Variants in NUP88 observed in about 807,000 individuals in gnomAD.
The protein encoded by NUP88 is nuclear pore complex protein Nup88.
In NUP88, 57 loss-of-function variants were observed where a neutral mutation model predicts 93.9. That is an observed-to-expected ratio of 0.61 (90% CI 0.49 to 0.76). NUP88 has a LOEUF of 0.76. Ranked by LOEUF, NUP88 falls within the 30% of genes least tolerant of loss-of-function variation. The pLI is 0.00. For synonymous variants in NUP88, 346 were observed against 336.8 expected (o/e 1.03, Z -0.30); for missense variants, 911 against 901.0 (o/e 1.01, Z -0.14).
chr17:5,413,987 A>G (rs1567577494), intron 3 of NUP88, 22 bp downstream of exon 3: 7 of 1,611,294 alleles, frequency 4.3e-6, no homozygotes, highest in East Asian at 2.2e-5. Flanking sequence ...GCAAGGCTTC[A>G]AGAGAGAGAA....
chr17:5,419,364 G>A lies in NUP88; in HGVS notation c.287C>T (p.Ser96Phe). 6.3e-7 allele frequency: 1 copy of A among 1,592,566 alleles called. No homozygotes were observed. The highest frequency in any genetic ancestry group is 1.4e-5 in the African/African-American group (1 of 73,654). ...PSGGGEEPAL[S>F]QYQRLLCINP... is the part of the protein sequence containing the mutation. Reference sequence around the variant, plus strand: ...TCGGCCTGGCATTACCTGGTACTGGGACAGGGCGGGCTCTTCGCCGCCGCC... The same window carrying A: ...TCGGCCTGGCATTACCTGGTACTGGAACAGGGCGGGCTCTTCGCCGCCGCC... The change falls in exon 1 of 17, where the codon TCC becomes TTC. Residue 96 changes from serine to phenylalanine, a missense_variant. Transcript: ENST00000573584.
chr17:5,391,929 G>GATCT (rs34094111), intron 9 of NUP88, among the ~76,000 whole-genome samples: 66,195 of 151,866 alleles, frequency 0.44, 15,172 homozygotes, highest in East Asian at 0.84. Flanking sequence ...TTACACTGAA[G>GATCT]ATCTCTCCAA....
intron 1 of NUP88, among the ~76,000 whole-genome samples, chr17:5,417,836 C>T (rs978345514): frequency 6.8e-6 from 1 of 146,690 alleles, no homozygotes; most frequent in African/African-American, 2.5e-5. Context: ...GAGATCCTGC[C>T]TCAAAACAAA....
rs2144752849 is a variant in NUP88, at chr17:5,385,619, G to A, written c.*587C>T. 4.3e-6 allele frequency: 1 copy of A among 230,972 alleles called. No homozygotes were observed. Among genetic ancestry groups the A allele is most frequent in the South Asian group, 1.8e-4 (1 of 5,506 alleles). The allele number at this position is 230,972 out of a possible 1,614,324, so 14.3% of individuals were successfully genotyped here. ...CATGTCCACTCAGTAACAAGTATTG[G>A]GACGTAGAGCACAGCCTCACTCAGC... is the stretch of plus-strand genomic sequence containing the variant. On this transcript the variant is annotated 3_prime_UTR_variant, in exon 17 of 17. Transcript: ENST00000573584.
At chr17:5,388,143 G>C (rs980654169) in intron 11 of NUP88, 13 of 306,486 alleles carry the variant, frequency 4.2e-5, no homozygotes, top group Non-Finnish European at 6.1e-6. Flanking sequence ...TGGGATTACA[G>C]GTGCCCACCA....
At chr17:5,404,267 A>T in intron 6 of NUP88, 21 bp from the exon 7 acceptor site, 1 of 1,610,072 alleles carries the variant, frequency 6.2e-7, no homozygotes, top group Non-Finnish European at 8.5e-7. Flanking sequence ...AAGTGTTGTA[A>T]TTTTGATCTT....
At chr17:5,413,648 A>C (rs1913971896) in intron 3 of NUP88, among the ~76,000 whole-genome samples, 1 of 152,254 alleles carries the variant, frequency 6.6e-6, no homozygotes, top group Non-Finnish European at 1.5e-5. Flanking sequence ...AAGATCTCAA[A>C]GATAACAGAA....
intron 10 of NUP88, 29 bp from the exon 11 acceptor site, chr17:5,388,989 T>G: frequency 9.8e-6 from 15 of 1,527,702 alleles, no homozygotes; most frequent in African/African-American, 1.4e-5. Flanking sequence ...AATTGAATTC[T>G]ACCATGGAGT....
intron 14 of NUP88, 81 bp downstream of exon 14, chr17:5,387,305 T>C: frequency 7.5e-7 from 1 of 1,335,528 alleles, no homozygotes; most frequent in South Asian, 1.2e-5. Flanking sequence ...CGTAGGTATG[T>C]AAGCACCTGC....
At position 5,408,839 on chromosome 17, in the gene NUP88, T is replaced by C. The variant is rs372116929; in HGVS notation, c.751A>G (p.Lys251Glu). 10 of 1,613,930 alleles carry C rather than the reference T, an allele frequency of 6.2e-6. No individual in the cohort carries two copies. The African/African-American group carries it at 1.3e-4, about 22-fold the overall frequency. The change falls in exon 5 of 17, where the codon AAG becomes GAG. Residue 251 changes from lysine (K) to glutamate (E), a missense_variant. Transcript: ENST00000573584. ...FDFGPLAAVP[K>E]TLFGQNGKDE... ...TTGCCGTTTTGTCCAAATAGAGTCT[T>C]TGGGACTGCTGCCAATGGCCCAAAG...
intron 9 of NUP88, among the ~76,000 whole-genome samples, chr17:5,394,231 A>G (rs56019636): frequency 0.44 from 66,309 of 151,944 alleles, 15,225 homozygotes; most frequent in East Asian, 0.84. Context: ...GAAAGAATAG[A>G]GAAGACCCAA....
At chr17:5,402,171 G>A (rs1046297014) in intron 7 of NUP88, among the ~76,000 whole-genome samples, 1 of 152,144 alleles carries the variant, frequency 6.6e-6, no homozygotes, top group African/African-American at 2.4e-5. Context: ...GCCAGGCCTG[G>A]TGGCGCATGA....
Position 5,405,090 on chromosome 17 carries a change from G to A in NUP88, c.1011C>T (p.Val337=), listed in dbSNP as rs150834750. ...ATESGMLYHC[V]VLEGEEEDDH... ...CATCTTCTTCTTCCCCTTCTAGCAC[G>A]ACACAGTGATACAGCATTCCTGATT... Residue 337 remains valine, a synonymous_variant, in exon 6 of 17, where the codon GTC becomes GTT. Coordinates refer to ENST00000573584, the MANE Select transcript of NUP88 (RefSeq NM_002532.6). The A allele has an allele frequency of 1.4e-4, 228 of 1,614,074 alleles. No individual in the cohort carries two copies. The African/African-American group carries it at 2.5e-3, about 17-fold the overall frequency.
chr17:5,408,859 C>A lies in NUP88; in HGVS notation c.731G>T (p.Gly244Val), dbSNP rs757033884. ...LGETAVAFDF[G>V]PLAAVPKTLF... Reference sequence around the variant, plus strand: ...AGTCTTTGGGACTGCTGCCAATGGCCCAAAGTCAAATGCAACTGCTGTCTC... The same window carrying A: ...AGTCTTTGGGACTGCTGCCAATGGCACAAAGTCAAATGCAACTGCTGTCTC... Residue 244 changes from glycine (G) to valine (V), a missense_variant, in exon 5 of 17, where the codon GGG (glycine) becomes GTG (valine). Coordinates refer to ENST00000573584, the MANE Select transcript of NUP88 (RefSeq NM_002532.6). 1 of 1,613,592 alleles carries A rather than the reference C, an allele frequency of 6.2e-7. No homozygotes were observed. Among genetic ancestry groups the A allele is most frequent in the Non-Finnish European group, 8.5e-7 (1 of 1,179,798 alleles).
rs1428894228 is a variant in NUP88 at position 5,385,617 on chromosome 17, T to G, written c.*589A>C. On this transcript the variant is annotated 3_prime_UTR_variant, in exon 17 of 17. Transcript: ENST00000573584. ...CTCATGTCCACTCAGTAACAAGTAT[T>G]GGGACGTAGAGCACAGCCTCACTCA... is the stretch of plus-strand genomic sequence containing the variant. The G allele has an allele frequency of 4.3e-6, 1 of 230,964 alleles. No homozygotes were observed. Among genetic ancestry groups the G allele is most frequent in the Non-Finnish European group, 8.6e-6 (1 of 116,744 alleles). The allele number at this position is 230,964 out of a possible 1,614,324, so 14.3% of individuals were successfully genotyped here. A position where few individuals can be genotyped will look rare whatever the true frequency, so the allele number is the denominator to read the frequency against.
At chr17:5,388,133 TG>T (rs1912164405) in intron 11 of NUP88, 3 of 329,256 alleles carry the variant, frequency 9.1e-6, no homozygotes, top group African/African-American at 6.4e-5. Flanking sequence ...CTCGAGTAGC[TG>T]GGATTACAGG....
chr17:5,398,210 A>G (rs956807366), intron 8 of NUP88, among the ~76,000 whole-genome samples: 6 of 150,312 alleles, frequency 4.0e-5, no homozygotes, highest in Non-Finnish European at 8.9e-5. Flanking sequence ...ACCGGTATTA[A>G]TTCTTTAAAT....
rs1913991824 is a variant in NUP88 at position 5,414,014 on chromosome 17, T to C, written c.588A>G (p.Val196=). 2 of 1,613,660 alleles carry C rather than the reference T, an allele frequency of 1.2e-6. No individual in the cohort carries two copies. Among genetic ancestry groups the C allele is most frequent in the Non-Finnish European group, 8.5e-7 (1 of 1,179,666 alleles). The change falls in exon 3 of 17, where the codon GTA becomes GTG. Residue 196 remains valine (V), a synonymous_variant. Transcript: ENST00000573584. ...PHVVLLTSDN[V]IRIYSLREPQ... ...GAGAGAGAAATAAAATTTACCTGAT[T>C]ACGTTGTCTGATGTTAACAGCACTA... is the stretch of plus-strand genomic sequence containing the variant.
Position 5,408,722 on chromosome 17 carries a change from C to A in NUP88, c.857+11G>T. ...AGTTTTCATTTCAGGTGGGTGACCA[C>A]CTCAACTTACCTGTGTAACAGACTG... On this transcript the variant is annotated intron_variant, in intron 5 of 16. Coordinates refer to ENST00000573584, the MANE Select transcript of NUP88 (RefSeq NM_002532.6). The A allele has an allele frequency of 1.9e-6, 3 of 1,572,632 alleles. No homozygotes were observed. The South Asian group carries it at 3.5e-5, about 18-fold the overall frequency.
Sources: gnomAD v4.1 joint callset for allele counts (sites outside exome capture counted in the v4.1 genomes callset) on GRCh38, gnomAD v4.1.1 for gene constraint, MANE v1.5 for transcripts, NCBI Gene and HGNC (gene_info 2026-07-23, HGNC 2026-07-21) for gene names.